CWC27: variants seen among roughly 807,000 people sequenced by gnomAD.
CWC27 encodes the protein CWC27 spliceosome associated cyclophilin.
CWC27 carries 47 observed loss-of-function variants against 63.6 expected under a neutral mutation model. The observed-to-expected ratio is 0.74, with a 90% CI of 0.58 to 0.94. The LOEUF is 0.94. Among genes scored for constraint, CWC27 ranks in the 40% least tolerant of loss-of-function variants. The pLI, the probability that CWC27 is intolerant of heterozygous loss-of-function variation, is 0.00. For missense variants in CWC27, 495 were observed against 554.3 expected (o/e 0.89, Z 1.07); for synonymous variants, 175 against 179.8 (o/e 0.97, Z 0.22).
chr5:65,000,834 G>A (rs1321899993), intron 13 of CWC27, among the ~76,000 whole-genome samples: 2 of 151,910 alleles, frequency 1.3e-5, no homozygotes, highest in Non-Finnish European at 2.9e-5. Flanking sequence ...CATACAAATT[G>A]TAGGATTTTT....
chr5:64,860,129 A>G (rs1746361387), intron 10 of CWC27, among the ~76,000 whole-genome samples: 1 of 152,170 alleles, frequency 6.6e-6, no homozygotes, highest in African/African-American at 2.4e-5. Flanking sequence ...CACTTCAGAT[A>G]ACCATGCATT....
chr5:64,932,403 TC>T (rs1748257160), intron 11 of CWC27, among the ~76,000 whole-genome samples: 1 of 152,084 alleles, frequency 6.6e-6, no homozygotes, highest in South Asian at 2.1e-4. Flanking sequence ...AAGCAACTCA[TC>T]CATTAAATTT....
At chr5:64,789,092 C>T in intron 7 of CWC27, 72 bp downstream of exon 7, 1 of 973,944 alleles carries the variant, frequency 1.0e-6, no homozygotes, top group Non-Finnish European at 1.6e-6. Flanking sequence ...ACTATTGTAT[C>T]TCCTGCTATA....
chr5:64,982,606 T>C (rs1749348980), intron 13 of CWC27, among the ~76,000 whole-genome samples: 1 of 151,968 alleles, frequency 6.6e-6, no homozygotes, highest in African/African-American at 2.4e-5. Flanking sequence ...GTTTCAATTA[T>C]TTTCCCCTTC....
intron 13 of CWC27, among the ~76,000 whole-genome samples, chr5:64,989,896 A>G (rs1021383943): frequency 2.0e-5 from 3 of 152,082 alleles, no homozygotes; most frequent in African/African-American, 7.2e-5. Context: ...CAGCTGACAG[A>G]TGGTGCATAA....
intron 11 of CWC27, among the ~76,000 whole-genome samples, chr5:64,904,556 G>A (rs1370300007): frequency 1.3e-5 from 2 of 152,214 alleles, no homozygotes; most frequent in African/African-American, 4.8e-5. Context: ...CAGAACAAGT[G>A]ATTCCTTTGG....
chr5:64,871,998 T>C (rs953711711), intron 10 of CWC27, among the ~76,000 whole-genome samples: 3 of 152,124 alleles, frequency 2.0e-5, no homozygotes, highest in African/African-American at 7.2e-5. Context: ...AACAATAGTA[T>C]CATCATCAAC....
chr5:64,911,213 G>T lies in CWC27; in HGVS notation c.1042+25667G>T, dbSNP rs1043727456. Among the ~76,000 whole-genome samples the T allele has an allele frequency of 2.6e-5, 4 of 152,092 alleles. No individual in the cohort carries two copies. In the East Asian group the frequency reaches 7.7e-4, roughly 29 times the overall value. On this transcript the variant is annotated intron_variant, in intron 11 of 13. Transcript: ENST00000381070. ...AATCATTCCATTTTATCTCTCTCTT[G>T]TTCTTCAGTTTTCTCATTTGACCTG... is the stretch of plus-strand genomic sequence containing the variant.
At chr5:64,853,373 T>C (rs1215816958) in intron 10 of CWC27, among the ~76,000 whole-genome samples, 1 of 152,238 alleles carries the variant, frequency 6.6e-6, no homozygotes, top group Non-Finnish European at 1.5e-5. Context: ...TTCATATTTA[T>C]TGAGCACTAT....
intron 11 of CWC27, among the ~76,000 whole-genome samples, chr5:64,915,942 C>T (rs1747879404): frequency 6.6e-6 from 1 of 152,110 alleles, no homozygotes; most frequent in South Asian, 2.1e-4. Flanking sequence ...TTGTATTTAC[C>T]TGTAACAGAA....
intron 10 of CWC27, among the ~76,000 whole-genome samples, chr5:64,840,314 AAG>A (rs1745767947): frequency 7.0e-6 from 1 of 142,080 alleles, no homozygotes; most frequent in Non-Finnish European, 1.5e-5. Flanking sequence ...GTTGGCAGAA[AAG>A]AGGGTTGATT....
intron 13 of CWC27, among the ~76,000 whole-genome samples, chr5:65,000,493 G>T (rs973793398): frequency 6.6e-6 from 1 of 151,970 alleles, no homozygotes; most frequent in Non-Finnish European, 1.5e-5. Flanking sequence ...ATTTTGAGTT[G>T]ATTTTTGTAT....
At chr5:64,845,801 G>T (rs374832880) in intron 10 of CWC27, among the ~76,000 whole-genome samples, 2 of 152,118 alleles carry the variant, frequency 1.3e-5, no homozygotes, top group African/African-American at 4.8e-5. Flanking sequence ...GAGAAAAAGG[G>T]TCACAAAGCC....
intron 10 of CWC27, among the ~76,000 whole-genome samples, chr5:64,838,401 A>G (rs1457583078): frequency 3.3e-5 from 5 of 152,184 alleles, no homozygotes; most frequent in Non-Finnish European, 4.4e-5. Context: ...ATGTATATAC[A>G]ATATACAGAT....
chr5:64,829,181 T>C (rs1370376630), intron 10 of CWC27, among the ~76,000 whole-genome samples: 1 of 152,190 alleles, frequency 6.6e-6, no homozygotes, highest in Non-Finnish European at 1.5e-5. Context: ...CAAGCCTAAC[T>C]TCTACCTTTT....
At chr5:64,909,104 GC>G (rs2112375272) in intron 11 of CWC27, among the ~76,000 whole-genome samples, 1 of 152,246 alleles carries the variant, frequency 6.6e-6, no homozygotes, top group African/African-American at 2.4e-5. Flanking sequence ...CTCAGCATTT[GC>G]TTGTCTATAA....
At chr5:64,800,362 A>G in intron 8 of CWC27, 35 bp downstream of exon 8, 1 of 1,470,302 alleles carries the variant, frequency 6.8e-7, no homozygotes, top group Non-Finnish European at 9.4e-7. Context: ...TAAGTTCTTA[A>G]TTTTCTGGCT....
rs58322956 is a variant in CWC27 at position 64,971,734 on chromosome 5, C to T, written c.1074C>T (p.Ala358=). The T allele has an allele frequency of 6.2e-6, 10 of 1,608,910 alleles. No homozygotes were observed. The highest frequency in any genetic ancestry group is 4.5e-5 in the East Asian group (2 of 44,308). ...EEEAPPDGAV[A]EYRREKQKYE... ...AAGCCCCTCCAGATGGTGCTGTTGC[C>T]GAATACAGAAGAGAAAAGCAAAAGT... The change falls in exon 12 of 14, where the codon GCC becomes GCT. Residue 358 remains alanine, a synonymous_variant. Transcript: ENST00000381070.
In CWC27 at chr5:64,782,035, TA is replaced by T. The variant is rs1200215248; in HGVS notation, c.252+4del. The T allele has an allele frequency of 6.0e-6, 8 of 1,326,002 alleles. No homozygotes were observed. In the African/African-American group the frequency reaches 8.8e-5, roughly 15 times the overall value. The allele number at this position is 1,326,002 out of a possible 1,614,324, so 82.1% of individuals were successfully genotyped here. ...TCTATCTATGGAGCGCCATTCAAAG[TA>T]AGACTGAATTATTATTTTTATTATT... On this transcript the variant is annotated splice_donor_region_variant and intron_variant, in intron 3 of 13. Transcript: ENST00000381070.
Sources: gnomAD v4.1 joint callset for allele counts (sites outside exome capture counted in the v4.1 genomes callset) on GRCh38, gnomAD v4.1.1 for gene constraint, MANE v1.5 for transcripts, NCBI Gene and HGNC (gene_info 2026-07-23, HGNC 2026-07-21) for gene names.